XPO4: variants seen among roughly 807,000 people sequenced by gnomAD.
XPO4 encodes exportin-4.
In XPO4, 39 loss-of-function variants were observed where a neutral mutation model predicts 143.0. The observed-to-expected ratio is 0.27, with a 90% CI of 0.21 to 0.36. The LOEUF (loss-of-function observed/expected upper bound fraction) is 0.36. Among genes scored for constraint, XPO4 ranks in the 10% least tolerant of loss-of-function variants. The probability of loss-of-function intolerance (pLI) is 1.00; values close to 1 mark genes in which losing one functional copy is unlikely to be tolerated. For missense variants in XPO4, 907 were observed against 1,348.0 expected (o/e 0.67, Z 5.12); for synonymous variants, 439 against 474.0 (o/e 0.93, Z 0.96).
At chr13:20,842,666 T>C in intron 6 of XPO4, among the ~76,000 whole-genome samples, 1 of 152,254 alleles carries the variant, frequency 6.6e-6, no homozygotes, top group African/African-American at 2.4e-5. Flanking sequence ...CACGTTTCTA[T>C]GTATTCAAAC....
At chr13:20,865,253 C>T (rs1318316591) in intron 2 of XPO4, among the ~76,000 whole-genome samples, 1 of 152,092 alleles carries the variant, frequency 6.6e-6, no homozygotes, top group Non-Finnish European at 1.5e-5. Context: ...ATTCTCCTGC[C>T]TCAGCCTCCC....
chr13:20,787,629 T>C (rs1027272386), intron 20 of XPO4, 31 bp from the exon 21 acceptor site: 3 of 1,571,758 alleles, frequency 1.9e-6, no homozygotes, highest in Middle Eastern at 1.7e-4. Flanking sequence ...ACAAACTAGA[T>C]TGGATATATT....
At chr13:20,867,907 C>G (rs1462006702) in intron 2 of XPO4, among the ~76,000 whole-genome samples, 1 of 152,132 alleles carries the variant, frequency 6.6e-6, no homozygotes, top group African/African-American at 2.4e-5. Flanking sequence ...CCAATGAAGT[C>G]TCTCTTACTA....
intron 9 of XPO4, among the ~76,000 whole-genome samples, chr13:20,814,361 CCCT>C (rs1237229497): frequency 1.3e-5 from 2 of 152,084 alleles, no homozygotes; most frequent in Admixed American, 6.5e-5. Context: ...TTTCAATAAT[CCCT>C]CCTATTAACA....
intron 13 of XPO4, among the ~76,000 whole-genome samples, chr13:20,806,315 T>C (rs1595074936): frequency 6.6e-6 from 1 of 152,188 alleles, no homozygotes; most frequent in South Asian, 2.1e-4. Flanking sequence ...TTTCAACTAT[T>C]TTTTAAAAAG....
intron 1 of XPO4, among the ~76,000 whole-genome samples, chr13:20,888,331 T>C (rs974605741): frequency 1.3e-5 from 2 of 152,156 alleles, no homozygotes; most frequent in African/African-American, 4.8e-5. Flanking sequence ...TTTGAGAAGA[T>C]ATAAAAGAAA....
At chr13:20,876,264 G>GA (rs35708026) in intron 1 of XPO4, among the ~76,000 whole-genome samples, 6,050 of 81,652 alleles carry the variant, frequency 0.074, 503 homozygotes, top group African/African-American at 0.22. Context: ...CTCCATCTCG[G>GA]AAAAAAAAAA....
At chr13:20,895,367 C>T (rs755569843) in intron 1 of XPO4, among the ~76,000 whole-genome samples, 3 of 152,122 alleles carry the variant, frequency 2.0e-5, no homozygotes, top group Admixed American at 6.6e-5. Flanking sequence ...CACAGTGGCT[C>T]ACAGCTGTAA....
At chr13:20,824,963 G>C (rs974911837) in intron 7 of XPO4, among the ~76,000 whole-genome samples, 1 of 152,214 alleles carries the variant, frequency 6.6e-6, no homozygotes, top group African/African-American at 2.4e-5. Context: ...ATAGATGTAG[G>C]AGTCATCTGG....
chr13:20,833,031 C>T (rs1261872410), intron 6 of XPO4, among the ~76,000 whole-genome samples: 3 of 152,092 alleles, frequency 2.0e-5, no homozygotes, highest in Non-Finnish European at 4.4e-5. Flanking sequence ...ACCACACATA[C>T]CTGCCAAACA....
chr13:20,790,930 C>G (rs1362171369), intron 18 of XPO4, among the ~76,000 whole-genome samples: 2 of 152,052 alleles, frequency 1.3e-5, no homozygotes, highest in Non-Finnish European at 2.9e-5. Flanking sequence ...TACTGGCATA[C>G]TAGCCATAAT....
chr13:20,809,993 CA>C, intron 9 of XPO4, 26 bp from the exon 10 acceptor site: 1 of 1,566,930 alleles, frequency 6.4e-7, no homozygotes, highest in Non-Finnish European at 8.6e-7. Flanking sequence ...ACTCATAAAA[CA>C]AATGTCCAGA....
At chr13:20,868,270 A>G (rs565284929) in intron 2 of XPO4, 1 of 191,316 alleles carries the variant, frequency 5.2e-6, no homozygotes, top group East Asian at 1.5e-4. Context: ...ATACTATAGT[A>G]CATACCCTGT....
At chr13:20,873,704 C>T (rs1250046856) in intron 1 of XPO4, among the ~76,000 whole-genome samples, 2 of 152,152 alleles carry the variant, frequency 1.3e-5, no homozygotes, top group Non-Finnish European at 2.9e-5. Flanking sequence ...AATCTCGGTT[C>T]ACTGCAACCT....
intron 1 of XPO4, among the ~76,000 whole-genome samples, chr13:20,899,830 T>C (rs1329845755): frequency 6.6e-6 from 1 of 152,174 alleles, no homozygotes; most frequent in Non-Finnish European, 1.5e-5. Flanking sequence ...ATAAGATATA[T>C]TCAGACCCAC....
chr13:20,887,138 C>T lies in XPO4; in HGVS notation c.69+15532G>A, dbSNP rs535211192. On this transcript the variant is annotated intron_variant, in intron 1 of 22. Transcript: ENST00000255305. ...TGTGATAAATACAGCAATTCCAATCCTATACAGATTTCTTCAAGAGACTAC... is the reference window on the plus strand; with the variant it reads ...TGTGATAAATACAGCAATTCCAATCTTATACAGATTTCTTCAAGAGACTAC... Among the ~76,000 whole-genome samples the T allele has an allele frequency of 2.4e-4, 37 of 152,218 alleles. 1 individual carries two copies. The highest frequency in any genetic ancestry group is 7.9e-4 in the African/African-American group (33 of 41,544).
At chr13:20,897,009 T>C (rs1248372995) in intron 1 of XPO4, among the ~76,000 whole-genome samples, 1 of 152,236 alleles carries the variant, frequency 6.6e-6, no homozygotes, top group African/African-American at 2.4e-5. Flanking sequence ...CAAGTCCAAC[T>C]GCAAATACAC....
At chr13:20,816,761 T>C (rs191687378) in intron 9 of XPO4, among the ~76,000 whole-genome samples, 5 of 152,376 alleles carry the variant, frequency 3.3e-5, no homozygotes, top group Admixed American at 1.3e-4. Flanking sequence ...AAATATTACA[T>C]GGTTATCATC....
At chr13:20,786,557 A>G (rs74036443) in intron 22 of XPO4, among the ~76,000 whole-genome samples, 3,154 of 152,230 alleles carry the variant, frequency 0.021, 83 homozygotes, top group Middle Eastern at 0.075. Flanking sequence ...TTTCTATAAT[A>G]TGCAATAAAA....
Sources: gnomAD v4.1 joint callset for allele counts (sites outside exome capture counted in the v4.1 genomes callset) on GRCh38, gnomAD v4.1.1 for gene constraint, MANE v1.5 for transcripts, NCBI Gene and HGNC (gene_info 2026-07-23, HGNC 2026-07-21) for gene names.